The following MAP2 variants were observed in gnomAD, a reference collection of about 807,000 sequenced individuals.
MAP2 encodes the protein microtubule-associated protein 2.
Under a neutral mutation model 137.6 loss-of-function variants are expected in MAP2, and 14 were observed. The observed-to-expected ratio is 0.10, with a 90% CI of 0.07 to 0.16. The LOEUF (loss-of-function observed/expected upper bound fraction) is 0.16. Among genes scored for constraint, MAP2 ranks in the 10% least tolerant of loss-of-function variants. MAP2 has a pLI of 1.00. For missense variants in MAP2, 2,088 were observed against 2,191.5 expected (o/e 0.95, Z 0.94); for synonymous variants, 786 against 782.3 (o/e 1.00, Z -0.08).
chr2:209,607,814 T>G (rs2085326054), intron 3 of MAP2, among the ~76,000 whole-genome samples: 1 of 152,202 alleles, frequency 6.6e-6, no homozygotes, highest in Non-Finnish European at 1.5e-5. Context: ...GTACCCCTTT[T>G]ACTCCAGAGT....
intron 2 of MAP2, among the ~76,000 whole-genome samples, chr2:209,541,034 A>AT (rs1427380103): frequency 6.6e-6 from 1 of 150,858 alleles, no homozygotes; most frequent in African/African-American, 2.5e-5. Flanking sequence ...AATACTAATG[A>AT]TTTTTTCGTT....
intron 3 of MAP2, among the ~76,000 whole-genome samples, chr2:209,580,541 G>A (rs896256760): frequency 5.3e-5 from 8 of 152,102 alleles, no homozygotes; most frequent in African/African-American, 1.4e-4. Flanking sequence ...TGCTAGAGAC[G>A]AAAGCCCAGG....
intron 2 of MAP2, among the ~76,000 whole-genome samples, chr2:209,574,844 C>T (rs2075044042): frequency 6.6e-6 from 1 of 152,102 alleles, no homozygotes; most frequent in Admixed American, 6.5e-5. Context: ...TTGTAAAATA[C>T]TTACACATCT....
intron 2 of MAP2, among the ~76,000 whole-genome samples, chr2:209,554,861 A>G (rs1387915300): frequency 6.7e-6 from 1 of 148,990 alleles, no homozygotes; most frequent in African/African-American, 2.4e-5. Context: ...CACAGTAACT[A>G]TCTGATAAAT....
intron 7 of MAP2, chr2:209,690,470 T>A (rs1242891724): frequency 1.1e-5 from 6 of 556,814 alleles, no homozygotes; most frequent in African/African-American, 6.0e-5. Context: ...TTCATCCCAA[T>A]GGTAAAATAA....
At position 209,586,141 on chromosome 2, in the gene MAP2, A is replaced by T. The variant is rs531323350; in HGVS notation, c.-107+6041A>T. On this transcript the variant is annotated intron_variant, in intron 3 of 15. Transcript: ENST00000682079. ...GGAAAATACACTTAAGGAGTCCGGA[A>T]CTCAAAGAAAAGAGAGATAAAATAT... Among the ~76,000 whole-genome samples, 3 of 152,244 alleles carry T rather than the reference A, an allele frequency of 2.0e-5. No individual in the cohort carries two copies. In the East Asian group the frequency reaches 5.8e-4, roughly 29 times the overall value.
chr2:209,560,148 C>T (rs1478962486), intron 2 of MAP2, among the ~76,000 whole-genome samples: 4 of 152,266 alleles, frequency 2.6e-5, no homozygotes, highest in Non-Finnish European at 5.9e-5. Flanking sequence ...TGAGACTAAA[C>T]AGAACAGATG....
At chr2:209,624,020 A>G (rs1406429262) in intron 3 of MAP2, among the ~76,000 whole-genome samples, 1 of 152,188 alleles carries the variant, frequency 6.6e-6, no homozygotes, top group East Asian at 1.9e-4. Context: ...GGCCCAGACC[A>G]TATTTTTTGC....
At chr2:209,452,244 G>A (rs976090621) in intron 1 of MAP2, among the ~76,000 whole-genome samples, 1 of 152,156 alleles carries the variant, frequency 6.6e-6, no homozygotes, top group East Asian at 1.9e-4. Context: ...CAGAGTAGGG[G>A]AGAGGGTTGA....
intron 1 of MAP2, among the ~76,000 whole-genome samples, chr2:209,469,520 T>C (rs1338305429): frequency 6.6e-6 from 1 of 152,220 alleles, no homozygotes; most frequent in South Asian, 2.1e-4. Context: ...GGTTAATGAT[T>C]AATGGGCTCT....
At chr2:209,659,578 T>C (rs1038386168) in intron 5 of MAP2, among the ~76,000 whole-genome samples, 4 of 152,244 alleles carry the variant, frequency 2.6e-5, no homozygotes, top group Non-Finnish European at 4.4e-5. Context: ...TTAAGTGATA[T>C]GATATCATAA....
Position 209,434,839 on chromosome 2 carries a change from A to T in MAP2, c.-222+10563A>T, listed in dbSNP as rs199899649. On this transcript the variant is annotated intron_variant, in intron 1 of 15. Coordinates refer to ENST00000682079, the MANE Select transcript of MAP2 (RefSeq NM_001375505.1). Reference sequence around the variant, plus strand: ...CCTCTCTCTCTCTCTCTCTCTATATATATATATATGTTATATATATATGTT... The same window carrying T: ...CCTCTCTCTCTCTCTCTCTCTATATTTATATATATGTTATATATATATGTT... 2.1e-4 allele frequency among the ~76,000 whole-genome samples: 24 copies of T among 115,020 alleles called. 2 individuals are homozygous for T. The highest frequency in any genetic ancestry group is 8.4e-4 in the African/African-American group (24 of 28,688). The allele number at this position is 115,020 out of a possible 152,430, so 75.5% of individuals were successfully genotyped here. A position where few individuals can be genotyped will look rare whatever the true frequency, so the allele number is the denominator to read the frequency against.
intron 14 of MAP2, among the ~76,000 whole-genome samples, chr2:209,729,004 G>A (rs2075133256): frequency 6.6e-6 from 1 of 152,204 alleles, no homozygotes; most frequent in African/African-American, 2.4e-5. Flanking sequence ...GTCAAGGACA[G>A]GCTCAAGGAC....
chr2:209,652,306 T>C (rs776553048), intron 4 of MAP2, among the ~76,000 whole-genome samples: 14 of 152,340 alleles, frequency 9.2e-5, no homozygotes, highest in Admixed American at 5.9e-4. Flanking sequence ...TCAGATCTTA[T>C]TTGATTTAGC....
At chr2:209,595,751 T>C (rs183042591) in intron 3 of MAP2, among the ~76,000 whole-genome samples, 7 of 152,304 alleles carry the variant, frequency 4.6e-5, no homozygotes, top group Middle Eastern at 3.4e-3. Flanking sequence ...GTGGCATATA[T>C]ATACCATGGA....
At chr2:209,684,709 A>T (rs1306976241) in intron 7 of MAP2, 2 of 152,170 alleles carry the variant, frequency 1.3e-5, no homozygotes, top group Non-Finnish European at 2.9e-5. Flanking sequence ...ACTATGCAAA[A>T]GTCCAAGGTG....
At chr2:209,523,696 GC>G (rs1404175166) in intron 2 of MAP2, among the ~76,000 whole-genome samples, 1 of 152,132 alleles carries the variant, frequency 6.6e-6, no homozygotes, top group Non-Finnish European at 1.5e-5. Context: ...GACCTATTCA[GC>G]TCCATTTGGC....
chr2:209,455,630 T>TA (rs1253251679), intron 1 of MAP2, among the ~76,000 whole-genome samples: 1 of 152,202 alleles, frequency 6.6e-6, no homozygotes, highest in Non-Finnish European at 1.5e-5. Context: ...AGAGCATTAA[T>TA]AAAAAACACG....
intron 14 of MAP2, among the ~76,000 whole-genome samples, chr2:209,729,018 G>A (rs1036744337): frequency 2.0e-5 from 3 of 152,202 alleles, no homozygotes; most frequent in African/African-American, 7.2e-5. Context: ...CAAGGACAAC[G>A]AGTAACTTGC....
Sources: allele counts gnomAD v4.1 joint callset (sites outside exome capture counted in the v4.1 genomes callset), GRCh38; gene constraint gnomAD v4.1.1; transcripts MANE v1.5; gene names NCBI Gene and HGNC (gene_info 2026-07-23, HGNC 2026-07-21).